Variants in AKAP19 observed in about 807,000 individuals in gnomAD.
AKAP19 encodes small A-kinase anchoring protein.
At chr2:190,140,630 A>G in the AKAP19 span, among the ~76,000 whole-genome samples, 1 of 152,166 alleles carries the variant, frequency 6.6e-6, no homozygotes, top group Non-Finnish European at 1.5e-5. Context: ...GACACAGGGC[A>G]CCAAGTCCTG....
chr2:190,199,044 CTAGAG>C, the AKAP19 span, among the ~76,000 whole-genome samples: 1 of 152,152 alleles, frequency 6.6e-6, no homozygotes, highest in Non-Finnish European at 1.5e-5. Flanking sequence ...AGACGTGGCA[CTAGAG>C]TAAAGCCAAC....
the AKAP19 span, among the ~76,000 whole-genome samples, chr2:190,045,044 G>A: frequency 6.6e-6 from 1 of 152,166 alleles, no homozygotes; most frequent in Non-Finnish European, 1.5e-5. Context: ...AAGCCTGAAG[G>A]CTGGAATGTC....
At chr2:190,175,426 A>G in the AKAP19 span, among the ~76,000 whole-genome samples, 1 of 152,230 alleles carries the variant, frequency 6.6e-6, no homozygotes, top group Non-Finnish European at 1.5e-5. Context: ...ACAGAACTGG[A>G]TTATACATTA....
At chr2:189,883,623 T>C in the AKAP19 span, among the ~76,000 whole-genome samples, 2 of 151,378 alleles carry the variant, frequency 1.3e-5, no homozygotes, top group Non-Finnish European at 2.9e-5. Context: ...TTTCATAAAA[T>C]CTTTTAAACT....
chr2:190,190,761 TA>T, the AKAP19 span, among the ~76,000 whole-genome samples: 7 of 152,228 alleles, frequency 4.6e-5, no homozygotes, highest in African/African-American at 1.7e-4. Flanking sequence ...ATTGTGGTTT[TA>T]AAAAATACCT....
chr2:189,883,962 A>T, the AKAP19 span, among the ~76,000 whole-genome samples: 3 of 152,202 alleles, frequency 2.0e-5, no homozygotes, highest in Non-Finnish European at 4.4e-5. Flanking sequence ...TTTTTAATTT[A>T]TAAAGAACTT....
the AKAP19 span, among the ~76,000 whole-genome samples, chr2:190,019,952 G>A: frequency 2.0e-5 from 3 of 152,168 alleles, no homozygotes; most frequent in Non-Finnish European, 4.4e-5. Context: ...GTTGCTAGTT[G>A]AACTTTCTGT....
the AKAP19 span, among the ~76,000 whole-genome samples, chr2:190,179,592 A>G: frequency 6.6e-6 from 1 of 152,200 alleles, no homozygotes; most frequent in South Asian, 2.1e-4. This position sits in a 1 kb window ranked among gnomAD's most constrained non-coding sequence, Gnocchi z 6.0. Context: ...GATAAAAATA[A>G]GAATGCTTGA....
chr2:189,903,668 G>T, the AKAP19 span, among the ~76,000 whole-genome samples: 14 of 152,056 alleles, frequency 9.2e-5, no homozygotes, highest in South Asian at 1.0e-3. Flanking sequence ...TTAGATACAG[G>T]GGGTATATGT....
At chr2:190,038,905 TTCTTCTTCTTCTTCTTCTTCTTC>T in the AKAP19 span, among the ~76,000 whole-genome samples, 1 of 82,876 alleles carries the variant, frequency 1.2e-5, no homozygotes, top group Non-Finnish European at 2.6e-5. Context: ...TCTTTCTTTC[TTCTTCTTCTTCTTCTTCTTCTTC>T]TTCTTCTTCT....
At chr2:189,958,495 TTTAA>T in the AKAP19 span, among the ~76,000 whole-genome samples, 10 of 145,916 alleles carry the variant, frequency 6.9e-5, no homozygotes, top group Admixed American at 5.5e-4. Context: ...TTAAGTAATA[TTTAA>T]TTAAATATAT....
chr2:190,039,926 A>G, the AKAP19 span, among the ~76,000 whole-genome samples: 3,968 of 152,188 alleles, frequency 0.026, 174 homozygotes, highest in East Asian at 0.18. Context: ...TCTGTTATTG[A>G]TGGGCATTTA....
At chr2:189,915,698 G>T in the AKAP19 span, among the ~76,000 whole-genome samples, 1 of 151,984 alleles carries the variant, frequency 6.6e-6, no homozygotes, top group Non-Finnish European at 1.5e-5. Flanking sequence ...GATTAACTAG[G>T]ATCAGCAATG....
the AKAP19 span, among the ~76,000 whole-genome samples, chr2:190,072,509 A>C: frequency 6.6e-6 from 1 of 152,236 alleles, no homozygotes. Flanking sequence ...TTGAACAATT[A>C]AGTCAATGAG....
chr2:190,097,859 C>CAAAAAAAAAAAAA, the AKAP19 span, among the ~76,000 whole-genome samples: 7 of 64,484 alleles, frequency 1.1e-4, no homozygotes, highest in African/African-American at 3.2e-4. Flanking sequence ...TGGTTTCTAC[C>CAAAAAAAAAAAAA]AAAAAAAAAA....
the AKAP19 span, among the ~76,000 whole-genome samples, chr2:190,167,868 T>C: frequency 6.6e-6 from 1 of 152,172 alleles, no homozygotes; most frequent in Non-Finnish European, 1.5e-5. Flanking sequence ...TGGCGTTCAG[T>C]GTATGTGGCT....
At chr2:190,026,228 A>G in the AKAP19 span, among the ~76,000 whole-genome samples, 1 of 152,180 alleles carries the variant, frequency 6.6e-6, no homozygotes, top group African/African-American at 2.4e-5. Flanking sequence ...AGGCCAAATC[A>G]GCTCACTCCA....
At chr2:190,182,123 GGCCA>G in the AKAP19 span, among the ~76,000 whole-genome samples, 1 of 152,160 alleles carries the variant, frequency 6.6e-6, no homozygotes, top group Non-Finnish European at 1.5e-5. Flanking sequence ...ACTCCTGACA[GGCCA>G]GCCACATTTT....
chr2:189,926,279 A>C, the AKAP19 span, among the ~76,000 whole-genome samples: 2 of 152,062 alleles, frequency 1.3e-5, no homozygotes, highest in South Asian at 4.1e-4. Context: ...TGATTTTTAC[A>C]CTTTTTTTGT....
Sources: allele counts gnomAD v4.1 joint callset (sites outside exome capture counted in the v4.1 genomes callset), GRCh38; gene constraint gnomAD v4.1.1; non-coding constraint Gnocchi (gnomAD v3.1); transcripts MANE v1.5; gene names NCBI Gene and HGNC (gene_info 2026-07-23, HGNC 2026-07-21).